RFX8: variants seen among roughly 807,000 people sequenced by gnomAD.
The protein encoded by RFX8 is regulatory factor X8, also known as DNA-binding protein RFX8.
A neutral mutation model predicts 54.6 loss-of-function variants in RFX8; 46 were observed. The observed-to-expected ratio is 0.84, with a 90% confidence interval of 0.67 to 1.08. The LOEUF is 1.08. RFX8 is among the 50% of genes least tolerant of loss of function. RFX8 has a pLI of 0.00. For synonymous variants in RFX8, 192 were observed against 209.5 expected (o/e 0.92, Z 0.72); for missense variants, 536 against 562.3 (o/e 0.95, Z 0.47).
intron 2 of RFX8, among the ~76,000 whole-genome samples, chr2:101,439,772 G>A (rs1209942598): frequency 6.6e-6 from 1 of 151,718 alleles, no homozygotes; most frequent in African/African-American, 2.4e-5. Flanking sequence ...GAGTTCAATG[G>A]CACAATCTTG....
At chr2:101,437,957 T>C (rs1032443461) in intron 2 of RFX8, among the ~76,000 whole-genome samples, 2 of 152,246 alleles carry the variant, frequency 1.3e-5, no homozygotes, top group Admixed American at 6.5e-5. Context: ...ATATGCTATA[T>C]AACTTTTTGG....
chr2:101,460,705 T>C (rs11693239), intron 2 of RFX8, among the ~76,000 whole-genome samples: 52,038 of 151,076 alleles, frequency 0.34, 9,625 homozygotes, highest in African/African-American at 0.44. Flanking sequence ...ATTCAGCCCT[T>C]GCTTCTGCTT....
At chr2:101,412,092 G>T (rs566295093) in intron 8 of RFX8, among the ~76,000 whole-genome samples, 2 of 152,316 alleles carry the variant, frequency 1.3e-5, no homozygotes, top group East Asian at 3.9e-4. Flanking sequence ...TATGCCCATA[G>T]AGGGAGAGGC....
At chr2:101,437,488 G>T (rs1216107404) in intron 2 of RFX8, among the ~76,000 whole-genome samples, 1 of 151,978 alleles carries the variant, frequency 6.6e-6, no homozygotes, top group African/African-American at 2.4e-5. Context: ...TGAGGCGGGA[G>T]GATCATTTGA....
chr2:101,431,557 T>A (rs759625034), intron 2 of RFX8, among the ~76,000 whole-genome samples: 5 of 152,174 alleles, frequency 3.3e-5, no homozygotes, highest in Non-Finnish European at 7.4e-5. Context: ...CATGGGGCAT[T>A]CCTATAGGTA....
At position 101,440,248 on chromosome 2, in the gene RFX8, G is replaced by A. The variant is rs146149836; in HGVS notation, c.73-17776C>T. On this transcript the variant is annotated intron_variant, in intron 2 of 11. Transcript: ENST00000428343. ...GAGATAACACTGCAGGCCTGAGACT[G>A]CTCTCGTAGAAAGCTCTGCTGCCAA... 2.3e-3 allele frequency among the ~76,000 whole-genome samples: 349 copies of A among 152,264 alleles called. 3 individuals carry two copies. Among genetic ancestry groups the A allele is most frequent in the Middle Eastern group, 6.8e-3 (2 of 294 alleles).
chr2:101,418,893 G>C lies in RFX8; in HGVS notation c.309C>G (p.Asp103Glu). 6.4e-7 allele frequency: 1 copy of C among 1,551,602 alleles called. No homozygotes were observed. Among genetic ancestry groups the C allele is most frequent in the Middle Eastern group, 1.7e-4 (1 of 5,930 alleles). The change falls in exon 5 of 12, where the codon GAC becomes GAG. Residue 103 changes from aspartate (D) to glutamate (E), a missense_variant. Physicochemically the swap from Asp to Glu is conservative, Grantham distance 45. Transcript: ENST00000428343. ...QDTVMLMSLP[D>E]VCQLFKCYDV... ...CGTAGCATTTAAAGAGCTGGCACACGTCAGGCAATGACATCAGCATGACTG... is the reference window on the plus strand; with the variant it reads ...CGTAGCATTTAAAGAGCTGGCACACCTCAGGCAATGACATCAGCATGACTG...
intron 2 of RFX8, among the ~76,000 whole-genome samples, chr2:101,424,693 A>G (rs1050825697): frequency 2.0e-5 from 3 of 152,236 alleles, no homozygotes; most frequent in African/African-American, 7.2e-5. Context: ...AGCCATAAAA[A>G]GGATGAGTTA....
At chr2:101,441,757 A>G (rs1412195430) in intron 2 of RFX8, among the ~76,000 whole-genome samples, 2 of 152,158 alleles carry the variant, frequency 1.3e-5, no homozygotes, top group African/African-American at 4.8e-5. Context: ...CATCTTTTCC[A>G]TCCATTTACT....
chr2:101,422,002 AT>A (rs1337238251), intron 3 of RFX8, among the ~76,000 whole-genome samples: 9 of 152,150 alleles, frequency 5.9e-5, no homozygotes, highest in Non-Finnish European at 1.3e-4. Context: ...CATAACTCAT[AT>A]TTGCAGATTT....
chr2:101,399,381 CATGA>C (rs1685303355), intron 11 of RFX8, among the ~76,000 whole-genome samples: 1 of 152,192 alleles, frequency 6.6e-6, no homozygotes. Context: ...ATTCAGCAGG[CATGA>C]ATGAACAGAA....
chr2:101,419,904 A>AG (rs745847653), intron 4 of RFX8, among the ~76,000 whole-genome samples: 6 of 152,208 alleles, frequency 3.9e-5, no homozygotes, highest in South Asian at 4.1e-4. Flanking sequence ...GCTTTGGGGA[A>AG]GGGGGGTCTG....
chr2:101,407,224 G>T (rs1685790017), intron 9 of RFX8, among the ~76,000 whole-genome samples: 1 of 152,224 alleles, frequency 6.6e-6, no homozygotes, highest in Non-Finnish European at 1.5e-5. Flanking sequence ...TTCTGCCCCA[G>T]TGAAATCCTT....
At chr2:101,417,478 T>A in intron 6 of RFX8, 56 bp downstream of exon 6, 2 of 1,493,338 alleles carry the variant, frequency 1.3e-6, no homozygotes, top group African/African-American at 1.4e-5. Context: ...AGTGCTGGGA[T>A]TACAGGCATG....
rs1210546546 is a variant in RFX8, at chr2:101,459,304, G to A, written c.72+7473C>T. On this transcript the variant is annotated intron_variant, in intron 2 of 11. Transcript: ENST00000428343. ...GAGGAGAAGAGGCACTCTGGTTTTCGGAATTTTCAGCTTTTCTGCTCTGGT... is the reference window on the plus strand; with the variant it reads ...GAGGAGAAGAGGCACTCTGGTTTTCAGAATTTTCAGCTTTTCTGCTCTGGT... Among the ~76,000 whole-genome samples the A allele has an allele frequency of 5.3e-5, 8 of 152,280 alleles. No individual in the cohort carries two copies. The East Asian group carries it at 7.7e-4, about 15-fold the overall frequency.
rs1308296419 is a variant in RFX8 at position 101,412,907 on chromosome 2, A to T, written c.718+8T>A. 6.5e-7 allele frequency: 1 copy of T among 1,546,450 alleles called. No individual in the cohort carries two copies. Among genetic ancestry groups the T allele is most frequent in the Non-Finnish European group, 8.7e-7 (1 of 1,144,602 alleles). ...CGCCAATAAAGCAAGCTGCAGAAGGAAGATTACATTTCATCTCTGGGTTGT... is the reference window on the plus strand; with the variant it reads ...CGCCAATAAAGCAAGCTGCAGAAGGTAGATTACATTTCATCTCTGGGTTGT... On this transcript the variant is annotated splice_region_variant and intron_variant, in intron 8 of 11. Coordinates refer to ENST00000428343, the MANE Select transcript of RFX8 (RefSeq NM_001145664.2).
At chr2:101,456,244 A>G (rs1299381539) in intron 2 of RFX8, among the ~76,000 whole-genome samples, 2 of 152,180 alleles carry the variant, frequency 1.3e-5, no homozygotes, top group Non-Finnish European at 2.9e-5. Context: ...AACTTCCAAC[A>G]CTATGTTGAA....
chr2:101,412,829 A>T, intron 8 of RFX8, 86 bp downstream of exon 8: 1 of 1,273,972 alleles, frequency 7.8e-7, no homozygotes, highest in Non-Finnish European at 1.1e-6. Context: ...TACCCCTATT[A>T]AGAAATTCAT....
intron 2 of RFX8, among the ~76,000 whole-genome samples, chr2:101,431,654 C>A (rs1049009403): frequency 1.3e-5 from 2 of 152,222 alleles, no homozygotes; most frequent in African/African-American, 4.8e-5. Context: ...TCACTCATCC[C>A]TCTCCCTCCA....
Sources: allele counts gnomAD v4.1 joint callset (sites outside exome capture counted in the v4.1 genomes callset), GRCh38; gene constraint gnomAD v4.1.1; transcripts MANE v1.5; gene names NCBI Gene and HGNC (gene_info 2026-07-23, HGNC 2026-07-21).